The following KAZN variants were observed in gnomAD, a reference collection of about 807,000 sequenced individuals.
The protein encoded by KAZN is kazrin.
A neutral mutation model predicts 87.4 loss-of-function variants in KAZN; 40 were observed. That is an observed-to-expected ratio of 0.46 (90% CI 0.36 to 0.60). The LOEUF (loss-of-function observed/expected upper bound fraction) is 0.60, where lower values mean the gene tolerates loss of function less well. Among genes scored for constraint, KAZN ranks in the 20% least tolerant of loss-of-function variants. The pLI is 0.00. For missense variants in KAZN, 898 were observed against 1,073.9 expected (o/e 0.84, Z 2.29); for synonymous variants, 466 against 458.3 (o/e 1.02, Z -0.22).
rs1167676548 is a variant in KAZN at position 15,117,886 on chromosome 1, G to A, written c.*3251G>A. The A allele has an allele frequency of 1.3e-5, 2 of 152,244 alleles. No individual in the cohort carries two copies. The highest frequency in any genetic ancestry group is 2.9e-5 in the Non-Finnish European group (2 of 68,052). 9.4% of individuals were successfully genotyped at this position (152,244 alleles called of 1,614,324 possible). ...GCATTCTTGCCAATGGCTGGCCAGC[G>A]AGGAGAATCTCCCGAGCCCTGACAC... On this transcript the variant is annotated 3_prime_UTR_variant, in exon 15 of 15. Transcript: ENST00000376030.
At chr1:15,010,355 C>G (rs984336837) in intron 2 of KAZN, among the ~76,000 whole-genome samples, 2 of 149,688 alleles carry the variant, frequency 1.3e-5, no homozygotes, top group Non-Finnish European at 3.0e-5. Context: ...GGGTCCTCCT[C>G]TCCAGGGGCA....
intron 2 of KAZN, among the ~76,000 whole-genome samples, chr1:14,355,400 ATATT>A (rs58049152): frequency 0.39 from 57,640 of 147,708 alleles, 11,931 homozygotes; most frequent in East Asian, 0.69. Flanking sequence ...AACAATCTAC[ATATT>A]TATTTATTTA....
intron 1 of KAZN, among the ~76,000 whole-genome samples, chr1:14,169,936 CA>C (rs1204106073): frequency 6.6e-6 from 1 of 152,156 alleles, no homozygotes; most frequent in East Asian, 1.9e-4. Context: ...AATCTGACCC[CA>C]AAAGCTCAGG....
chr1:14,313,931 G>A (rs1406874634), intron 2 of KAZN, among the ~76,000 whole-genome samples: 1 of 152,078 alleles, frequency 6.6e-6, no homozygotes, highest in African/African-American at 2.4e-5. Flanking sequence ...GCTTTTTCAA[G>A]TGGAAAATGA....
At chr1:14,180,054 C>T (rs1354854584) in intron 1 of KAZN, among the ~76,000 whole-genome samples, 2 of 152,130 alleles carry the variant, frequency 1.3e-5, no homozygotes, top group African/African-American at 4.8e-5. Context: ...GGGCTGTCCT[C>T]TCATGCCCCG....
intron 1 of KAZN, among the ~76,000 whole-genome samples, chr1:13,976,687 A>G (rs1638375194): frequency 6.6e-6 from 1 of 152,192 alleles, no homozygotes. Flanking sequence ...GTTATGACTC[A>G]CGCTATTACA....
At chr1:14,357,484 C>T (rs1043037952) in intron 2 of KAZN, among the ~76,000 whole-genome samples, 8 of 152,198 alleles carry the variant, frequency 5.3e-5, no homozygotes, top group African/African-American at 1.4e-4. Flanking sequence ...TGAGAGACGG[C>T]ATCCTTGTCT....
chr1:14,725,800 C>A (rs1643353255), intron 1 of KAZN, among the ~76,000 whole-genome samples: 1 of 152,158 alleles, frequency 6.6e-6, no homozygotes, highest in Admixed American at 6.5e-5. Context: ...AAATGCAGAT[C>A]CTGGTTCAAT....
intron 2 of KAZN, among the ~76,000 whole-genome samples, chr1:14,193,803 A>G (rs1156657079): frequency 2.0e-5 from 3 of 152,058 alleles, no homozygotes; most frequent in Non-Finnish European, 2.9e-5. Flanking sequence ...ACAGCCTTGA[A>G]TGCTGGCCCT....
At chr1:14,129,944 T>C (rs1016648762) in intron 1 of KAZN, among the ~76,000 whole-genome samples, 1 of 152,218 alleles carries the variant, frequency 6.6e-6, no homozygotes, top group Non-Finnish European at 1.5e-5. Context: ...CCTTGTCACA[T>C]TTTCTGTATG....
intron 1 of KAZN, among the ~76,000 whole-genome samples, chr1:14,115,545 C>T (rs1295343760): frequency 1.3e-5 from 2 of 152,078 alleles, no homozygotes; most frequent in Non-Finnish European, 1.5e-5. Flanking sequence ...TGTGAGGCCT[C>T]CTCAGCCATG....
chr1:14,481,091 G>C (rs992100113), intron 2 of KAZN, among the ~76,000 whole-genome samples: 2 of 151,794 alleles, frequency 1.3e-5, no homozygotes, highest in African/African-American at 4.8e-5. Flanking sequence ...TTCTAACCCA[G>C]TTCAGTAGGT....
At chr1:14,478,472 T>A (rs1668896369) in intron 2 of KAZN, among the ~76,000 whole-genome samples, 1 of 152,046 alleles carries the variant, frequency 6.6e-6, no homozygotes, top group Non-Finnish European at 1.5e-5. Flanking sequence ...GAATGAAAAA[T>A]CACAGAGGTC....
At chr1:14,959,959 G>T (rs1434641891) in intron 1 of KAZN, among the ~76,000 whole-genome samples, 1 of 152,204 alleles carries the variant, frequency 6.6e-6, no homozygotes, top group Admixed American at 6.5e-5. Flanking sequence ...GGGCCTCACT[G>T]TATGTAGGGT....
intron 2 of KAZN, among the ~76,000 whole-genome samples, chr1:14,275,750 A>G (rs1193809001): frequency 2.0e-5 from 3 of 152,196 alleles, no homozygotes; most frequent in Non-Finnish European, 4.4e-5. Flanking sequence ...CAATGCTACC[A>G]TGAGCATTCT....
chr1:14,438,660 G>A (rs917467149), intron 2 of KAZN, among the ~76,000 whole-genome samples: 2 of 152,234 alleles, frequency 1.3e-5, no homozygotes, highest in African/African-American at 2.4e-5. Flanking sequence ...TGGGACAAGT[G>A]AGAGTGTTGT....
chr1:14,511,789 A>G (rs1438415597), intron 2 of KAZN, among the ~76,000 whole-genome samples: 1 of 152,208 alleles, frequency 6.6e-6, no homozygotes, highest in Non-Finnish European at 1.5e-5. Flanking sequence ...AACACAGGAA[A>G]TGGAAACCAG....
At chr1:14,902,295 G>C (rs1372573184) in intron 1 of KAZN, among the ~76,000 whole-genome samples, 2 of 151,442 alleles carry the variant, frequency 1.3e-5, no homozygotes, top group Admixed American at 1.3e-4. Context: ...GCTCGATCTC[G>C]GCTCACAGCA....
At chr1:15,048,816 G>A (rs1365244499) in intron 4 of KAZN, among the ~76,000 whole-genome samples, 1 of 149,260 alleles carries the variant, frequency 6.7e-6, no homozygotes, top group Admixed American at 6.6e-5. Context: ...CGTTGGTCCT[G>A]GGTTGTTGGT....
Sources: allele counts gnomAD v4.1 joint callset (sites outside exome capture counted in the v4.1 genomes callset), GRCh38; gene constraint gnomAD v4.1.1; transcripts MANE v1.5; gene names NCBI Gene and HGNC (gene_info 2026-07-23, HGNC 2026-07-21).